Variants in VPS13B observed in about 807,000 individuals in gnomAD.
VPS13B encodes intermembrane lipid transfer protein VPS13B.
In VPS13B, 285 loss-of-function variants were observed where a neutral mutation model predicts 426.4. The ratio of observed to expected loss-of-function variants is 0.67; its 90% CI spans 0.61 to 0.74. VPS13B has a LOEUF of 0.74. Ranked by LOEUF, VPS13B falls within the 30% of genes least tolerant of loss-of-function variation. The probability of loss-of-function intolerance (pLI) is 0.00; values close to 1 mark genes in which losing one functional copy is unlikely to be tolerated. For missense variants in VPS13B, 4,537 were observed against 4,782.6 expected (o/e 0.95, Z 1.51); for synonymous variants, 1,676 against 1,676.4 (o/e 1.00, Z 0.01).
intron 21 of VPS13B, among the ~76,000 whole-genome samples, chr8:99,402,104 A>G (rs1258108716): frequency 1.3e-5 from 2 of 152,178 alleles, no homozygotes; most frequent in Non-Finnish European, 2.9e-5. Context: ...TTCAGATATG[A>G]TTATCCTGTG....
chr8:99,803,369 G>A (rs1813229547), intron 43 of VPS13B, among the ~76,000 whole-genome samples: 1 of 152,156 alleles, frequency 6.6e-6, no homozygotes, highest in Non-Finnish European at 1.5e-5. Flanking sequence ...TGGAAGAATA[G>A]CCAACACTTA....
chr8:99,118,687 G>A (rs1391620494), intron 7 of VPS13B, among the ~76,000 whole-genome samples: 2 of 152,092 alleles, frequency 1.3e-5, no homozygotes, highest in Non-Finnish European at 2.9e-5. Context: ...AGTGTGTTTG[G>A]TATTTATCTA....
chr8:99,226,936 T>C (rs1366662474), intron 17 of VPS13B, among the ~76,000 whole-genome samples: 1 of 152,142 alleles, frequency 6.6e-6, no homozygotes, highest in African/African-American at 2.4e-5. Context: ...TACAATACAT[T>C]GTTGCTATTA....
intron 34 of VPS13B, among the ~76,000 whole-genome samples, chr8:99,655,950 T>C (rs1181375803): frequency 6.6e-6 from 1 of 152,092 alleles, no homozygotes; most frequent in African/African-American, 2.4e-5. Flanking sequence ...AACAATTAAG[T>C]GAAATGAAGG....
At chr8:99,551,074 T>C (rs553148142) in intron 30 of VPS13B, among the ~76,000 whole-genome samples, 1 of 152,222 alleles carries the variant, frequency 6.6e-6, no homozygotes, top group Non-Finnish European at 1.5e-5. Context: ...TCAATTTTTC[T>C]GTATTTTTCT....
intron 12 of VPS13B, 29 bp from the exon 13 acceptor site, chr8:99,142,945 C>G: frequency 3.8e-6 from 6 of 1,592,434 alleles, no homozygotes; most frequent in Non-Finnish European, 5.1e-6. Context: ...CCAATTGATG[C>G]TTAAAATATA....
At chr8:99,087,878 AC>A (rs1482561295) in intron 3 of VPS13B, among the ~76,000 whole-genome samples, 1 of 151,756 alleles carries the variant, frequency 6.6e-6, no homozygotes. Flanking sequence ...TAGAAATACC[AC>A]CTATCAAAAA....
intron 19 of VPS13B, among the ~76,000 whole-genome samples, chr8:99,375,297 C>G (rs551056759): frequency 6.6e-6 from 1 of 152,314 alleles, no homozygotes; most frequent in South Asian, 2.1e-4. Flanking sequence ...TTCTTCTCTC[C>G]TATAAGAGAC....
chr8:99,265,544 G>C (rs1425691904), intron 17 of VPS13B, among the ~76,000 whole-genome samples: 1 of 152,084 alleles, frequency 6.6e-6, no homozygotes, highest in Non-Finnish European at 1.5e-5. Flanking sequence ...TTAGTTGAGA[G>C]TCCTCCTGGT....
intron 54 of VPS13B, among the ~76,000 whole-genome samples, chr8:99,844,145 A>C (rs1286669571): frequency 6.6e-6 from 1 of 152,114 alleles, no homozygotes; most frequent in Non-Finnish European, 1.5e-5. Context: ...TTGCTATTTG[A>C]GGCTTTATCT....
At chr8:99,808,446 G>A (rs1185267521) in intron 43 of VPS13B, among the ~76,000 whole-genome samples, 2 of 150,508 alleles carry the variant, frequency 1.3e-5, no homozygotes, top group African/African-American at 4.9e-5. Flanking sequence ...AACCCAGGAC[G>A]TGGAGGTTGC....
chr8:99,528,327 G>C lies in VPS13B; in HGVS notation c.4745+7317G>C, dbSNP rs540356622. Among the ~76,000 whole-genome samples the C allele has an allele frequency of 2.6e-5, 4 of 152,058 alleles. No individual in the cohort carries two copies. The East Asian group carries it at 7.7e-4, about 29-fold the overall frequency. ...AGACATTTATGCCCTTCCTTTGCAT[G>C]CATTCATTGATTAATTCATTTATTA... On this transcript the variant is annotated intron_variant, in intron 30 of 61. Transcript: ENST00000357162.
intron 38 of VPS13B, 27 bp downstream of exon 38, chr8:99,720,579 A>G (rs1833093179): frequency 6.2e-7 from 1 of 1,601,486 alleles, no homozygotes; most frequent in Non-Finnish European, 8.6e-7. Context: ...TCAGTATGAG[A>G]GTGTCTCTGT....
intron 23 of VPS13B, among the ~76,000 whole-genome samples, chr8:99,453,330 C>T (rs1818292206): frequency 6.6e-6 from 1 of 152,124 alleles, no homozygotes; most frequent in African/African-American, 2.4e-5. Flanking sequence ...AATCCTCAAA[C>T]CGTGTATGCA....
chr8:99,610,583 G>A (rs1444149772), intron 33 of VPS13B, among the ~76,000 whole-genome samples: 2 of 151,144 alleles, frequency 1.3e-5, no homozygotes, highest in African/African-American at 2.4e-5. Flanking sequence ...ACCAGGGCCT[G>A]TCAGGGGGTG....
intron 3 of VPS13B, among the ~76,000 whole-genome samples, chr8:99,092,607 G>C (rs73699965): frequency 1.7e-4 from 26 of 151,980 alleles, no homozygotes; most frequent in African/African-American, 6.0e-4. Context: ...TTTGATTGGG[G>C]CATGATTTGA....
At chr8:99,118,732 A>AT (rs1257990192) in intron 7 of VPS13B, among the ~76,000 whole-genome samples, 1 of 152,064 alleles carries the variant, frequency 6.6e-6, no homozygotes, top group African/African-American at 2.4e-5. Flanking sequence ...TTTCCTTTTC[A>AT]TTGCTACATA....
intron 39 of VPS13B, among the ~76,000 whole-genome samples, chr8:99,725,020 C>T (rs1833282254): frequency 6.6e-6 from 1 of 152,142 alleles, no homozygotes; most frequent in African/African-American, 2.4e-5. Flanking sequence ...GAATCCCTCC[C>T]ATCTCTGCCA....
At chr8:99,411,833 C>CT (rs1431237481) in intron 21 of VPS13B, among the ~76,000 whole-genome samples, 2 of 151,792 alleles carry the variant, frequency 1.3e-5, no homozygotes, top group Non-Finnish European at 2.9e-5. Flanking sequence ...TTCTCCATTG[C>CT]TTTTTTTTCA....
Sources: gnomAD v4.1 joint callset for allele counts (sites outside exome capture counted in the v4.1 genomes callset) on GRCh38, gnomAD v4.1.1 for gene constraint, MANE v1.5 for transcripts, NCBI Gene and HGNC (gene_info 2026-07-23, HGNC 2026-07-21) for gene names.